NXN: variants seen among roughly 807,000 people sequenced by gnomAD.
The protein encoded by NXN is nucleoredoxin 1.
A neutral mutation model predicts 48.6 loss-of-function variants in NXN; 16 were observed. The ratio of observed to expected loss-of-function variants is 0.33; its 90% CI spans 0.22 to 0.50. NXN has a LOEUF of 0.50. Ranked by LOEUF, NXN falls within the 20% of genes least tolerant of loss-of-function variation. NXN has a pLI of 0.98. For synonymous variants in NXN, 281 were observed against 269.6 expected, an observed-to-expected ratio of 1.04 and a Z score of -0.41; for missense variants, 492 against 605.5, an observed-to-expected ratio of 0.81 and a Z score of 1.97.
chr17:953,495 G>C (rs2069135363), intron 1 of NXN, among the ~76,000 whole-genome samples: 1 of 152,178 alleles, frequency 6.6e-6, no homozygotes, highest in African/African-American at 2.4e-5. Context: ...CTGTCCCTGA[G>C]GACGAACTCT....
intron 1 of NXN, among the ~76,000 whole-genome samples, chr17:844,157 G>A (rs563740307): frequency 4.5e-4 from 67 of 149,822 alleles, no homozygotes; most frequent in African/African-American, 1.6e-3. Context: ...CATACATCCC[G>A]TCCTGCCCTC....
chr17:955,175 TTTTTTTTCCTGAGACAGAG>T, intron 1 of NXN, among the ~76,000 whole-genome samples: 1 of 147,936 alleles, frequency 6.8e-6, no homozygotes, highest in Non-Finnish European at 1.5e-5. Context: ...TTTTTTTTTT[TTTTTTTTCCTGAGACAGAG>T]TCTCGCTCTG....
intron 1 of NXN, among the ~76,000 whole-genome samples, chr17:928,617 C>G (rs1055069582): frequency 3.9e-5 from 6 of 152,196 alleles, no homozygotes; most frequent in South Asian, 2.1e-4. Context: ...AAGCTGATCA[C>G]CTGAGGTCAG....
intron 1 of NXN, among the ~76,000 whole-genome samples, chr17:969,319 C>T (rs4082764): frequency 0.067 from 10,169 of 152,182 alleles, 817 homozygotes; most frequent in East Asian, 0.3. Flanking sequence ...AAAGTCACAC[C>T]CCCGGGAAAC....
intron 1 of NXN, among the ~76,000 whole-genome samples, chr17:868,052 T>G (rs1245661399): frequency 6.6e-6 from 1 of 152,138 alleles, no homozygotes; most frequent in Non-Finnish European, 1.5e-5. Flanking sequence ...GGACATGTGT[T>G]GTGCTCCAGC....
chr17:834,003 G>T (rs966652054), intron 1 of NXN, among the ~76,000 whole-genome samples: 15 of 152,322 alleles, frequency 9.8e-5, no homozygotes, highest in Middle Eastern at 3.4e-3. Context: ...AGGACTGAGA[G>T]AACTCACTGT....
At position 851,387 on chromosome 17, in the gene NXN, G is replaced by T. The variant is rs143524883; in HGVS notation, c.361-25309C>A. Among the ~76,000 whole-genome samples the T allele has an allele frequency of 1.1e-3, 174 of 152,382 alleles. 3 individuals are homozygous for T. The East Asian group carries it at 0.023, about 20-fold the overall frequency. Reference sequence around the variant, plus strand: ...GAGAGAAGATGCTTAGAAGGCATGAGCGGGGGACGGGAAGCAGAGGGGCTG... The same window carrying T: ...GAGAGAAGATGCTTAGAAGGCATGATCGGGGGACGGGAAGCAGAGGGGCTG... On this transcript the variant is annotated intron_variant, in intron 1 of 7. Transcript: ENST00000336868.
chr17:884,613 G>A (rs1305392184), intron 1 of NXN, among the ~76,000 whole-genome samples: 3 of 152,112 alleles, frequency 2.0e-5, no homozygotes, highest in South Asian at 2.1e-4. Context: ...AGGCTGGGAC[G>A]GATCCTCCTC....
chr17:841,033 C>T (rs1022355083), intron 1 of NXN, among the ~76,000 whole-genome samples: 3 of 152,166 alleles, frequency 2.0e-5, no homozygotes, highest in Non-Finnish European at 1.5e-5. Context: ...GGGTTCGAAT[C>T]CCGGCTCTGC....
intron 1 of NXN, among the ~76,000 whole-genome samples, chr17:846,325 G>A (rs1193641481): frequency 2.0e-5 from 3 of 150,914 alleles, no homozygotes; most frequent in Admixed American, 6.6e-5. Context: ...GGCTGAGGCA[G>A]GGAATTGCGT....
chr17:880,723 C>T (rs992096609), intron 1 of NXN, among the ~76,000 whole-genome samples: 7 of 152,122 alleles, frequency 4.6e-5, no homozygotes. Context: ...GAGGGGCTGG[C>T]CTTCTCCTAA....
chr17:814,902 A>T (rs924386062), intron 5 of NXN, among the ~76,000 whole-genome samples: 2 of 152,156 alleles, frequency 1.3e-5, no homozygotes, highest in African/African-American at 2.4e-5. Context: ...AGTAGCTGGG[A>T]TTATAGGTGA....
chr17:910,393 C>T (rs2068624350), intron 1 of NXN, among the ~76,000 whole-genome samples: 1 of 147,468 alleles, frequency 6.8e-6, no homozygotes, highest in African/African-American at 2.5e-5. Flanking sequence ...GCCTGGGTGA[C>T]AGAGTGAGAC....
Position 936,091 on chromosome 17 carries a change from C to CAAAAAAAAAA in NXN, c.360+43218_360+43227dup. On this transcript the variant is annotated intron_variant, in intron 1 of 7. Transcript: ENST00000336868. Reference sequence around the variant, plus strand: ...TGGGCAACAGGGCAAGATTCCATCTCAAAAAAAAAAAAAAAAAAAACCTCC... The same window carrying CAAAAAAAAAA: ...TGGGCAACAGGGCAAGATTCCATCTCAAAAAAAAAAAAAAAAAAAAAAAAAAAAAACCTCC... 3.2e-5 allele frequency among the ~76,000 whole-genome samples: 2 copies of CAAAAAAAAAA among 61,816 alleles called. 1 individual carries two copies. The highest frequency in any genetic ancestry group is 5.9e-5 in the Non-Finnish European group (2 of 33,746). The allele number at this position is 61,816 out of a possible 152,430, so 40.6% of individuals were successfully genotyped here.
chr17:879,089 C>T (rs1215107748), intron 1 of NXN, among the ~76,000 whole-genome samples: 1 of 151,692 alleles, frequency 6.6e-6, no homozygotes, highest in Non-Finnish European at 1.5e-5. Context: ...CACTTGAACC[C>T]GGGAGGCAGA....
intron 1 of NXN, among the ~76,000 whole-genome samples, chr17:885,354 G>A (rs936453671): frequency 6.6e-5 from 10 of 152,008 alleles, no homozygotes; most frequent in South Asian, 2.1e-4. Flanking sequence ...GCAGGCGCCC[G>A]TCATCCCAGC....
intron 1 of NXN, among the ~76,000 whole-genome samples, chr17:946,226 CCCGGGGA>C (rs1243041596): frequency 3.7e-3 from 152 of 40,970 alleles, no homozygotes; most frequent in Middle Eastern, 0.025. Context: ...AGCTCCGCCT[CCCGGGGA>C]TCCCTGCTCA....
chr17:934,909 C>A (rs1011047355), intron 1 of NXN, among the ~76,000 whole-genome samples: 1 of 152,092 alleles, frequency 6.6e-6, no homozygotes. Context: ...TTAGCCCAGT[C>A]CCAAGCGGAC....
Position 808,873 on chromosome 17 carries a change from C to A in NXN, c.821-3626G>T, listed in dbSNP as rs888239813. ...TAATTTTTTAGTAGAGACGGGGTTT[C>A]ACCATGTTGGCCAAGCTGGTCTCAA... On this transcript the variant is annotated intron_variant, in intron 5 of 7. Coordinates refer to ENST00000336868, the MANE Select transcript of NXN (RefSeq NM_022463.5). Among the ~76,000 whole-genome samples the A allele has an allele frequency of 2.6e-5, 4 of 151,914 alleles. No individual in the cohort carries two copies. The South Asian group carries it at 6.2e-4, about 24-fold the overall frequency.
Sources: gnomAD v4.1 joint callset for allele counts (sites outside exome capture counted in the v4.1 genomes callset) on GRCh38, gnomAD v4.1.1 for gene constraint, MANE v1.5 for transcripts, NCBI Gene and HGNC (gene_info 2026-07-23, HGNC 2026-07-21) for gene names.